The following ROBO1 variants were observed in gnomAD, a reference collection of about 807,000 sequenced individuals.
ROBO1 encodes the protein roundabout homolog 1.
In ROBO1, 149 loss-of-function variants were observed where a neutral mutation model predicts 195.9. The observed-to-expected ratio is 0.76, with a 90% confidence interval of 0.67 to 0.87. The LOEUF (loss-of-function observed/expected upper bound fraction) is 0.87, where lower values mean the gene tolerates loss of function less well. Among genes scored for constraint, ROBO1 ranks in the 40% least tolerant of loss-of-function variants. The pLI, the probability that ROBO1 is intolerant of heterozygous loss-of-function variation, is 0.00. For synonymous variants in ROBO1, 816 were observed against 733.2 expected (o/e 1.11, Z -1.82); for missense variants, 1,933 against 2,068.3 (o/e 0.93, Z 1.27).
At chr3:79,199,004 A>G (rs185786970) in intron 2 of ROBO1, among the ~76,000 whole-genome samples, 1 of 152,002 alleles carries the variant, frequency 6.6e-6, no homozygotes, top group African/African-American at 2.4e-5. Context: ...TCTTTTCCTA[A>G]TTGAATACCC....
chr3:78,699,624 T>C (rs2081377164), intron 8 of ROBO1, among the ~76,000 whole-genome samples: 1 of 151,228 alleles, frequency 6.6e-6, no homozygotes. Context: ...TTACACTTTG[T>C]TTTTACGTTT....
intron 2 of ROBO1, among the ~76,000 whole-genome samples, chr3:79,476,930 A>C (rs1405844341): frequency 2.0e-5 from 3 of 152,072 alleles, no homozygotes; most frequent in Non-Finnish European, 4.4e-5. Flanking sequence ...AATAATAATA[A>C]TAAATAATTT....
At chr3:78,962,970 T>G (rs987848939) in intron 3 of ROBO1, among the ~76,000 whole-genome samples, 4 of 152,000 alleles carry the variant, frequency 2.6e-5, no homozygotes, top group African/African-American at 9.7e-5. Context: ...GGAAGTAGTT[T>G]AGCAGACATT....
At chr3:79,636,914 C>T (rs571355181) in intron 1 of ROBO1, among the ~76,000 whole-genome samples, 14 of 152,214 alleles carry the variant, frequency 9.2e-5, no homozygotes, top group Admixed American at 2.6e-4. Context: ...GTCCTCACTG[C>T]TTCTTTGAAG....
At chr3:79,325,073 C>T (rs1260663560) in intron 2 of ROBO1, among the ~76,000 whole-genome samples, 1 of 151,990 alleles carries the variant, frequency 6.6e-6, no homozygotes, top group Admixed American at 6.6e-5. Flanking sequence ...TCCCTCAGAG[C>T]GCATATGTGA....
chr3:79,731,591 A>G (rs76263189), intron 1 of ROBO1, among the ~76,000 whole-genome samples: 1 of 152,172 alleles, frequency 6.6e-6, no homozygotes, highest in African/African-American at 2.4e-5. Flanking sequence ...GCCATATTCA[A>G]AAAACAAAAC....
chr3:79,235,643 A>G (rs1266548547), intron 2 of ROBO1, among the ~76,000 whole-genome samples: 2 of 152,104 alleles, frequency 1.3e-5, no homozygotes, highest in Admixed American at 1.3e-4. Flanking sequence ...TCTATTTCCT[A>G]TATCACAACT....
intron 2 of ROBO1, among the ~76,000 whole-genome samples, chr3:79,579,919 C>T (rs1213946702): frequency 6.6e-6 from 1 of 152,104 alleles, no homozygotes; most frequent in Non-Finnish European, 1.5e-5. Context: ...GACTTAGCTC[C>T]TCATTCCAGT....
intron 4 of ROBO1, among the ~76,000 whole-genome samples, chr3:78,752,429 C>T (rs559362696): frequency 8.5e-5 from 13 of 152,114 alleles, no homozygotes; most frequent in African/African-American, 2.9e-4. Context: ...AACAGTAATA[C>T]AATAGGGTCT....
intron 2 of ROBO1, among the ~76,000 whole-genome samples, chr3:79,470,487 C>A (rs1384679441): frequency 6.6e-6 from 1 of 152,016 alleles, no homozygotes; most frequent in African/African-American, 2.4e-5. Context: ...TGCAGTACAC[C>A]AACAAGGCAC....
chr3:78,627,983 CGCTCTTGTTGCCCAG>C (rs1704925945), intron 25 of ROBO1, among the ~76,000 whole-genome samples: 2 of 129,688 alleles, frequency 1.5e-5, no homozygotes, highest in African/African-American at 5.9e-5. Context: ...GATGGAGTTT[CGCTCTTGTTGCCCAG>C]GCTGGAGTGC....
At chr3:79,711,151 A>G (rs1406609523) in intron 1 of ROBO1, among the ~76,000 whole-genome samples, 1 of 152,104 alleles carries the variant, frequency 6.6e-6, no homozygotes, top group Non-Finnish European at 1.5e-5. Context: ...GTGAGTCCTG[A>G]AGGGGCATAG....
At chr3:79,615,890 G>A (rs1257960993) in intron 1 of ROBO1, among the ~76,000 whole-genome samples, 1 of 152,188 alleles carries the variant, frequency 6.6e-6, no homozygotes, top group African/African-American at 2.4e-5. Flanking sequence ...GCAGACTAGA[G>A]ATGTCAGATG....
At chr3:78,608,673 A>G (rs1311374503) in intron 28 of ROBO1, among the ~76,000 whole-genome samples, 2 of 152,206 alleles carry the variant, frequency 1.3e-5, no homozygotes, top group East Asian at 1.9e-4. Context: ...AATAACTCAC[A>G]TAATTAATGA....
intron 4 of ROBO1, among the ~76,000 whole-genome samples, chr3:78,753,313 T>C (rs147140290): frequency 1.3e-5 from 2 of 152,306 alleles, no homozygotes; most frequent in East Asian, 3.9e-4. Context: ...TACATCCAGA[T>C]TGGGTTCAAG....
intron 4 of ROBO1, among the ~76,000 whole-genome samples, chr3:78,771,741 T>C (rs1352582737): frequency 6.6e-6 from 1 of 152,190 alleles, no homozygotes; most frequent in Non-Finnish European, 1.5e-5. Flanking sequence ...AATGATTTTA[T>C]ATCCTGAAAC....
chr3:78,608,478 AT>A (rs1182653698), intron 28 of ROBO1, among the ~76,000 whole-genome samples: 3 of 152,114 alleles, frequency 2.0e-5, no homozygotes, highest in Non-Finnish European at 4.4e-5. Flanking sequence ...TCTAGAAAAA[AT>A]TTTTTTAATC....
chr3:78,797,879 G>T (rs981020065), intron 4 of ROBO1, among the ~76,000 whole-genome samples: 8 of 152,002 alleles, frequency 5.3e-5, no homozygotes, highest in African/African-American at 1.9e-4. Flanking sequence ...AAAACAAAAG[G>T]TGACCTGTTT....
intron 1 of ROBO1, among the ~76,000 whole-genome samples, chr3:79,725,912 A>G (rs1029810373): frequency 1.3e-5 from 2 of 151,306 alleles, no homozygotes; most frequent in Non-Finnish European, 3.0e-5. Flanking sequence ...CTTAAAAAAA[A>G]AAACTTTTCT....
Sources: allele counts gnomAD v4.1 joint callset (sites outside exome capture counted in the v4.1 genomes callset), GRCh38; gene constraint gnomAD v4.1.1; transcripts MANE v1.5; gene names NCBI Gene and HGNC (gene_info 2026-07-23, HGNC 2026-07-21).